ALDH1L2: variants seen among roughly 807,000 people sequenced by gnomAD.
The protein encoded by ALDH1L2 is aldehyde dehydrogenase 1 family member L2.
ALDH1L2 carries 91 observed loss-of-function variants against 111.0 expected under a neutral mutation model. The observed-to-expected ratio is 0.82, with a 90% CI of 0.69 to 0.98. The LOEUF is 0.98. Among genes scored for constraint, ALDH1L2 ranks in the 50% least tolerant of loss-of-function variants. The pLI, the probability that ALDH1L2 is intolerant of heterozygous loss-of-function variation, is 0.00. For missense variants in ALDH1L2, 995 were observed against 1,126.8 expected (o/e 0.88, Z 1.67); for synonymous variants, 374 against 392.6 (o/e 0.95, Z 0.56).
intron 7 of ALDH1L2, among the ~76,000 whole-genome samples, chr12:105,062,060 G>A (rs920305812): frequency 6.6e-6 from 1 of 152,200 alleles, no homozygotes; most frequent in Non-Finnish European, 1.5e-5. Flanking sequence ...CACCACCAGT[G>A]CTGCTGCAAC....
chr12:105,044,089 T>G (rs778552914), intron 15 of ALDH1L2, among the ~76,000 whole-genome samples: 2 of 152,338 alleles, frequency 1.3e-5, no homozygotes, highest in Non-Finnish European at 2.9e-5. Context: ...CCTTTGGGTC[T>G]TTCATTCTCA....
intron 6 of ALDH1L2, 59 bp downstream of exon 6, chr12:105,065,208 A>G (rs1244380811): frequency 1.0e-6 from 1 of 966,424 alleles, no homozygotes; most frequent in Non-Finnish European, 1.5e-6. Context: ...TATCTGTAAT[A>G]TCTCTTACAA....
chr12:105,083,761 C>T (rs756464541), intron 1 of ALDH1L2, among the ~76,000 whole-genome samples: 1 of 152,130 alleles, frequency 6.6e-6, no homozygotes, highest in Non-Finnish European at 1.5e-5. Context: ...GGGGCTGGGC[C>T]AGAGCTCGGT....
Position 105,052,132 on chromosome 12 carries a change from C to T in ALDH1L2, c.1493G>A (p.Trp498Ter). Residue 498 changes from tryptophan to a stop codon, truncating the protein, a stop_gained, in exon 12 of 23, where the codon TGG (tryptophan) becomes TAG (stop). Transcript: ENST00000258494. LOFTEE classifies it high-confidence loss of function. Reference sequence around the variant, plus strand: ...TCTTTCTCTTGCATTCATTCTTCCCCATTCACCGTTTTCAAAAGCATCTTT... The same window carrying T: ...TCTTTCTCTTGCATTCATTCTTCCCTATTCACCGTTTTCAAAAGCATCTTT... The part of the protein sequence containing the change: ...AAKDAFENGE[W>*]GRMNARERGR... The T allele has an allele frequency of 6.2e-7, 1 of 1,611,618 alleles. No individual in the cohort carries two copies. The highest frequency in any genetic ancestry group is 8.5e-7 in the Non-Finnish European group (1 of 1,178,674).
At chr12:105,058,584 A>T (rs1282912969) in intron 9 of ALDH1L2, among the ~76,000 whole-genome samples, 1 of 152,260 alleles carries the variant, frequency 6.6e-6, no homozygotes, top group Non-Finnish European at 1.5e-5. Flanking sequence ...AACTGTAAAG[A>T]TTATGAGAGA....
rs187173672 is a variant in ALDH1L2 at position 105,065,968 on chromosome 12, T to C, written c.696+600A>G. The stretch of plus-strand genomic sequence containing the variant: ...CCTTCTCTGCCCTAAGCTGAACTTA[T>C]GGCTCCAGGTTTTTGTTTTTTGTTT... On this transcript the variant is annotated intron_variant, in intron 5 of 22. Coordinates refer to ENST00000258494, the MANE Select transcript of ALDH1L2 (RefSeq NM_001034173.4). 1.1e-4 allele frequency among the ~76,000 whole-genome samples: 16 copies of C among 152,262 alleles called. No homozygotes were observed. The South Asian group carries it at 1.7e-3, about 16-fold the overall frequency.
chr12:105,026,168 T>G (rs1285569241), intron 22 of ALDH1L2, among the ~76,000 whole-genome samples: 1 of 152,184 alleles, frequency 6.6e-6, no homozygotes, highest in African/African-American at 2.4e-5. Flanking sequence ...TGGAGCTCGC[T>G]GGTTATTGCT....
At chr12:105,056,783 T>A in intron 10 of ALDH1L2, among the ~76,000 whole-genome samples, 1 of 148,886 alleles carries the variant, frequency 6.7e-6, no homozygotes, top group Non-Finnish European at 1.5e-5. Context: ...TACAGTTAAA[T>A]TAAAAATAAG....
At chr12:105,029,476 G>C (rs898977534) in intron 21 of ALDH1L2, among the ~76,000 whole-genome samples, 1 of 152,102 alleles carries the variant, frequency 6.6e-6, no homozygotes, top group Non-Finnish European at 1.5e-5. Context: ...CTTAAGGTCA[G>C]GGGCTGTGAC....
At chr12:105,041,842 G>A (rs192119758) in intron 15 of ALDH1L2, among the ~76,000 whole-genome samples, 7 of 150,354 alleles carry the variant, frequency 4.7e-5, no homozygotes, top group African/African-American at 1.7e-4. Flanking sequence ...CCTTCAGTAC[G>A]GCCCCTTATC....
Position 105,071,060 on chromosome 12 carries a change from G to A in ALDH1L2, c.194-256C>T, listed in dbSNP as rs199817009. 5.3e-5 allele frequency among the ~76,000 whole-genome samples: 8 copies of A among 152,128 alleles called. No homozygotes were observed. The East Asian group carries it at 9.6e-4, about 18-fold the overall frequency. ...ATGATATTTTAAGATTTTAATGAAA[G>A]CTTTTTCTTTTTTAGATCAAAAATG... On this transcript the variant is annotated intron_variant, in intron 2 of 22. Transcript: ENST00000258494.
At position 105,022,666 on chromosome 12, in the gene ALDH1L2, G is replaced by A. The variant is rs370501099; in HGVS notation, c.*1758C>T. ...ATATTCATTCCAACTTAAAATTTCAGCTGTGCCAAACTCTGGGATGGTAAA... is the reference window on the plus strand; with the variant it reads ...ATATTCATTCCAACTTAAAATTTCAACTGTGCCAAACTCTGGGATGGTAAA... On this transcript the variant is annotated 3_prime_UTR_variant, in exon 23 of 23. Coordinates refer to ENST00000258494, the MANE Select transcript of ALDH1L2 (RefSeq NM_001034173.4). 7.2e-5 allele frequency: 11 copies of A among 152,240 alleles called. No individual in the cohort carries two copies. The highest frequency in any genetic ancestry group is 2.6e-4 in the African/African-American group (11 of 41,534). The allele number at this position is 152,240 out of a possible 1,614,324, so 9.4% of individuals were successfully genotyped here.
intron 10 of ALDH1L2, among the ~76,000 whole-genome samples, chr12:105,055,604 G>A (rs1418210285): frequency 6.6e-6 from 1 of 152,088 alleles, no homozygotes; most frequent in African/African-American, 2.4e-5. Flanking sequence ...GAGAAGCCTA[G>A]ACATTGGATT....
At chr12:105,045,719 A>G (rs1227657607) in intron 15 of ALDH1L2, among the ~76,000 whole-genome samples, 1 of 152,208 alleles carries the variant, frequency 6.6e-6, no homozygotes, top group Non-Finnish European at 1.5e-5. Context: ...TTTAATGATT[A>G]AAACAAAATG....
At chr12:105,032,066 G>T in intron 19 of ALDH1L2, 132 bp from the exon 20 acceptor site, 2 of 901,220 alleles carry the variant, frequency 2.2e-6, no homozygotes, top group Non-Finnish European at 3.1e-6. Context: ...ACCGGAGGTA[G>T]GTGGTTGGTT....
intron 21 of ALDH1L2, among the ~76,000 whole-genome samples, chr12:105,027,825 A>G (rs2136045083): frequency 2.0e-5 from 3 of 152,300 alleles, no homozygotes; most frequent in East Asian, 3.9e-4. Context: ...GGCAGGGATA[A>G]CTTTATGTCT....
intron 2 of ALDH1L2, 187 bp downstream of exon 2, chr12:105,073,674 G>A (rs981179989): frequency 1.4e-6 from 1 of 715,136 alleles, no homozygotes; most frequent in South Asian, 2.2e-5. Flanking sequence ...TGGGATACAA[G>A]TGGGAGTAAT....
At chr12:105,049,038 G>T (rs1024182142) in intron 13 of ALDH1L2, among the ~76,000 whole-genome samples, 6 of 133,114 alleles carry the variant, frequency 4.5e-5, no homozygotes, top group African/African-American at 1.6e-4. Context: ...TCAAAAGAAA[G>T]AAAAAAAAAT....
At chr12:105,077,356 C>T (rs1433105456) in intron 1 of ALDH1L2, among the ~76,000 whole-genome samples, 1 of 151,884 alleles carries the variant, frequency 6.6e-6, no homozygotes, top group African/African-American at 2.4e-5. Context: ...CTGCAACCTC[C>T]GCCTTCCGGG....
Sources: allele counts gnomAD v4.1 joint callset (sites outside exome capture counted in the v4.1 genomes callset), GRCh38; gene constraint gnomAD v4.1.1; transcripts MANE v1.5; gene names NCBI Gene and HGNC (gene_info 2026-07-23, HGNC 2026-07-21).